Variants in SLC5A11 observed in about 807,000 individuals in gnomAD.
SLC5A11 encodes the protein sodium/myo-inositol cotransporter 2.
A neutral mutation model predicts 69.8 loss-of-function variants in SLC5A11; 48 were observed. The ratio of observed to expected loss-of-function variants is 0.69; its 90% CI spans 0.55 to 0.87. The LOEUF (loss-of-function observed/expected upper bound fraction) is 0.87. Ranked by LOEUF, SLC5A11 falls within the 40% of genes least tolerant of loss-of-function variation. The pLI, the probability that SLC5A11 is intolerant of heterozygous loss-of-function variation, is 0.00. For synonymous variants in SLC5A11, 319 were observed against 342.4 expected (o/e 0.93, Z 0.75); for missense variants, 784 against 866.1 (o/e 0.91, Z 1.19).
At chr16:24,890,839 C>T (rs1327577005) in intron 8 of SLC5A11, 30 bp from the exon 10 acceptor site, 3 of 1,609,826 alleles carry the variant, frequency 1.9e-6, no homozygotes, top group African/African-American at 2.7e-5. Flanking sequence ...AATCTGAGTT[C>T]CCGGAAAATA....
exon 2 of SLC5A11, chr16:24,858,684 A>T (rs1314569738): frequency 1.3e-5 from 21 of 1,611,286 alleles, no homozygotes; most frequent in Non-Finnish European, 1.8e-5. Flanking sequence ...CCACAGTTAG[A>T]TCCCCTGGAT....
intron 12 of SLC5A11, 103 bp downstream of exon 13, chr16:24,907,278 A>C: frequency 7.8e-7 from 1 of 1,281,164 alleles, no homozygotes. Flanking sequence ...GCTGAAGAGC[A>C]TTAGGACTCC....
intron 3 of SLC5A11, among the ~76,000 whole-genome samples, chr16:24,865,320 G>A (rs965851625): frequency 2.0e-5 from 3 of 152,160 alleles, no homozygotes; most frequent in African/African-American, 4.8e-5. Context: ...CAGCACTTTG[G>A]GAGGCCAAAG....
At position 24,885,290 on chromosome 16, in the gene SLC5A11, C is replaced by T. The variant is rs34821896; in HGVS notation, c.664+1159C>T. Among the ~76,000 whole-genome samples, 843 of 151,440 alleles carry T rather than the reference C, an allele frequency of 5.6e-3. 8 individuals are homozygous for T. Among genetic ancestry groups the T allele is most frequent in the Non-Finnish European group, 7.2e-3 (489 of 67,804 alleles). ...TAGCCAACTTCTTATTATTGTTAAGCGGGGGACACTACTCTCCACAGGTTT... is the reference window on the plus strand; with the variant it reads ...TAGCCAACTTCTTATTATTGTTAAGTGGGGGACACTACTCTCCACAGGTTT... On this transcript the variant is annotated intron_variant, in intron 8 of 15. Coordinates refer to ENST00000347898, the Ensembl canonical transcript of SLC5A11.
At chr16:24,907,059 G>A (rs770166156) in exon 12 of SLC5A11, 23 of 1,613,960 alleles carry the variant, frequency 1.4e-5, no homozygotes, top group African/African-American at 1.3e-4. Flanking sequence ...TGATGGTGGC[G>A]GCTCTCATGT....
At chr16:24,890,516 GAAGGAAGGAAGGAAAGA>G (rs1288824460) in intron 8 of SLC5A11, among the ~76,000 whole-genome samples, 7 of 11,402 alleles carry the variant, frequency 6.1e-4, no homozygotes, top group Admixed American at 1.3e-3. Flanking sequence ...AAAAAAAAAA[GAAGGAAGGAAGGAAAGA>G]AAGGAAGGAA....
intron 10 of SLC5A11, among the ~76,000 whole-genome samples, chr16:24,899,892 G>A (rs1295572363): frequency 3.9e-5 from 6 of 151,968 alleles, no homozygotes; most frequent in African/African-American, 1.5e-4. Flanking sequence ...TTGTAGCTAT[G>A]GGGGTCTCAC....
chr16:24,879,958 T>C (rs1233444400), intron 7 of SLC5A11, among the ~76,000 whole-genome samples: 1 of 152,184 alleles, frequency 6.6e-6, no homozygotes, highest in African/African-American at 2.4e-5. Context: ...TCTTTGCTAT[T>C]GTGCGTAGTA....
At chr16:24,902,232 C>T (rs2049684192) in intron 10 of SLC5A11, among the ~76,000 whole-genome samples, 1 of 152,024 alleles carries the variant, frequency 6.6e-6, no homozygotes, top group South Asian at 2.1e-4. Flanking sequence ...CCCGGGAAGT[C>T]CTTTCTGAGG....
intron 3 of SLC5A11, among the ~76,000 whole-genome samples, chr16:24,868,970 C>A (rs1389656587): frequency 6.6e-6 from 1 of 151,484 alleles, no homozygotes. Flanking sequence ...CGGGCTCGAG[C>A]GATTCTCCTG....
chr16:24,872,023 A>G (rs938101340), intron 4 of SLC5A11, 137 bp from the exon 6 acceptor site: 4 of 951,918 alleles, frequency 4.2e-6, no homozygotes, highest in Non-Finnish European at 6.8e-6. Context: ...AGGCCAGCAC[A>G]GGTGAACCAC....
At chr16:24,908,042 A>T in exon 13 of SLC5A11, 1 of 1,613,474 alleles carries the variant, frequency 6.2e-7, no homozygotes, top group Admixed American at 1.7e-5. Context: ...CCAGCTCTTC[A>T]TCTATATCCA....
intron 1 of SLC5A11, among the ~76,000 whole-genome samples, chr16:24,849,588 AAAAAAATATATATATAT>A (rs1425918297): frequency 2.0e-5 from 2 of 99,532 alleles, no homozygotes; most frequent in South Asian, 3.5e-4. Context: ...AAAAAAAAAA[AAAAAAATATATATATAT>A]ATATATATAT....
intron 3 of SLC5A11, among the ~76,000 whole-genome samples, chr16:24,866,593 T>C (rs2046934332): frequency 6.8e-6 from 1 of 147,548 alleles, no homozygotes; most frequent in Non-Finnish European, 1.5e-5. Context: ...AAAAAAAAGA[T>C]ACGAATGACT....
At chr16:24,873,573 T>A (rs1164455770) in intron 5 of SLC5A11, among the ~76,000 whole-genome samples, 5 of 151,254 alleles carry the variant, frequency 3.3e-5, no homozygotes, top group Non-Finnish European at 7.4e-5. Context: ...GGAGGAGGAT[T>A]GATTGCTTGA....
At chr16:24,897,245 C>A (rs540877534) in intron 9 of SLC5A11, among the ~76,000 whole-genome samples, 1 of 152,232 alleles carries the variant, frequency 6.6e-6, no homozygotes, top group East Asian at 1.9e-4. Context: ...TGAGCCATTG[C>A]ACCCAGCCTC....
rs1443035551 is a variant in SLC5A11 at position 24,905,640 on chromosome 16, G to GCGCGCGCACA, written c.1007-1016_1007-1015insGCGCGCACAC. On this transcript the variant is annotated intron_variant, in intron 10 of 15. Transcript: ENST00000347898. Reference sequence around the variant, plus strand: ...CCATCTCAAAAACACGCGCGCGCGCGCACACACACACACACACACACACAC... The same window carrying GCGCGCGCACA: ...CCATCTCAAAAACACGCGCGCGCGCGCGCGCGCACACACACACACACACACACACACACAC... Among the ~76,000 whole-genome samples the GCGCGCGCACA allele has an allele frequency of 2.1e-3, 290 of 136,764 alleles. 6 individuals carry two copies. The highest frequency in any genetic ancestry group is 0.014 in the Middle Eastern group (4 of 280). The allele number at this position is 136,764 out of a possible 152,430, so 89.7% of individuals were successfully genotyped here. A position where few individuals can be genotyped will look rare whatever the true frequency, so the allele number is the denominator to read the frequency against.
intron 8 of SLC5A11, among the ~76,000 whole-genome samples, chr16:24,885,841 AAGAT>A (rs2095305383): frequency 6.6e-6 from 1 of 152,042 alleles, no homozygotes; most frequent in South Asian, 2.1e-4. Flanking sequence ...ACATGTATGA[AAGAT>A]AGAAGTAGAG....
At chr16:24,874,628 A>G (rs1373350538) in intron 5 of SLC5A11, among the ~76,000 whole-genome samples, 1 of 152,028 alleles carries the variant, frequency 6.6e-6, no homozygotes, top group Non-Finnish European at 1.5e-5. Context: ...GCGTGCCCTC[A>G]GCTCACTGCA....
Sources: allele counts gnomAD v4.1 joint callset (sites outside exome capture counted in the v4.1 genomes callset), GRCh38; gene constraint gnomAD v4.1.1; transcripts MANE v1.5; gene names NCBI Gene and HGNC (gene_info 2026-07-23, HGNC 2026-07-21).